The following VDAC2 variants were observed in gnomAD, a reference collection of about 807,000 sequenced individuals.
VDAC2 encodes non-selective voltage-gated ion channel VDAC2.
A neutral mutation model predicts 36.6 loss-of-function variants in VDAC2; 6 were observed. That is an observed-to-expected ratio of 0.16 (90% CI 0.09 to 0.32). VDAC2 has a LOEUF of 0.32. VDAC2 is among the 10% of genes least tolerant of loss of function. The pLI is 1.00. For synonymous variants in VDAC2, 109 were observed against 123.8 expected (o/e 0.88, Z 0.79); for missense variants, 247 against 346.0 (o/e 0.71, Z 2.27).
At chr10:75,226,782 G>C (rs1841966450) in intron 8 of VDAC2, among the ~76,000 whole-genome samples, 1 of 152,128 alleles carries the variant, frequency 6.6e-6, no homozygotes, top group Non-Finnish European at 1.5e-5. Context: ...ATTTTTAACA[G>C]GCCTCTTTCA....
intron 4 of VDAC2, chr10:75,218,344 A>G (rs577758425): frequency 2.0e-5 from 3 of 152,548 alleles, no homozygotes; most frequent in East Asian, 1.9e-4. Context: ...TTGTAGAGAC[A>G]TGGTCTTGCT....
intron 3 of VDAC2, among the ~76,000 whole-genome samples, 186 bp from the exon 4 acceptor site, chr10:75,213,835 G>A (rs575776954): frequency 3.4e-4 from 52 of 152,284 alleles, no homozygotes; most frequent in African/African-American, 1.2e-3. Context: ...GGATAATTCT[G>A]CCCTTTATAA....
intron 8 of VDAC2, chr10:75,229,160 GAT>G (rs1491325388): frequency 6.8e-6 from 1 of 147,038 alleles, no homozygotes; most frequent in Non-Finnish European, 1.5e-5. Context: ...GTCGTTTGGA[GAT>G]TTTTTTTTTT....
Position 75,222,361 on chromosome 10 carries a change from A to G in VDAC2, c.694A>G (p.Ile232Val), listed in dbSNP as rs1841838318. Residue 232 changes from isoleucine to valine, a missense_variant, in exon 8 of 10, where the codon ATT becomes GTT. Coordinates refer to ENST00000332211, the MANE Select transcript of VDAC2 (RefSeq NM_001391963.1). The stretch of plus-strand genomic sequence containing the variant: ...AGGTACCAACTGCACTCGTTTTGGC[A>G]TTGCAGCTAAATATCAGTTGGATCC... ...TSGTNCTRFG[I>V]AAKYQLDPTA... 6 of 1,614,200 alleles carry G rather than the reference A, an allele frequency of 3.7e-6. No individual in the cohort carries two copies. The highest frequency in any genetic ancestry group is 5.1e-6 in the Non-Finnish European group (6 of 1,180,026).
At chr10:75,222,628 G>A (rs1172532935) in intron 8 of VDAC2, among the ~76,000 whole-genome samples, 3 of 152,210 alleles carry the variant, frequency 2.0e-5, no homozygotes, top group Non-Finnish European at 4.4e-5. Context: ...CCGAGTTAAT[G>A]TTGATGATAA....
chr10:75,230,616 C>T (rs1378979231), intron 9 of VDAC2, among the ~76,000 whole-genome samples: 1 of 152,236 alleles, frequency 6.6e-6, no homozygotes, highest in African/African-American at 2.4e-5. Flanking sequence ...AGTCTCTTTT[C>T]ATCGGGATAG....
intron 3 of VDAC2, among the ~76,000 whole-genome samples, chr10:75,213,399 G>A (rs1841492539): frequency 6.6e-6 from 1 of 152,118 alleles, no homozygotes; most frequent in Admixed American, 6.5e-5. Context: ...TAAGTTATTA[G>A]CTATTCTGAA....
At chr10:75,214,889 T>C (rs1841550197) in intron 4 of VDAC2, among the ~76,000 whole-genome samples, 1 of 152,052 alleles carries the variant, frequency 6.6e-6, no homozygotes, top group South Asian at 2.1e-4. Flanking sequence ...ATGAACTGTT[T>C]ACAAAGGGGA....
intron 6 of VDAC2, 21 bp from the exon 7 acceptor site, chr10:75,220,722 A>T (rs1841787603): frequency 6.3e-7 from 1 of 1,595,588 alleles, no homozygotes; most frequent in African/African-American, 1.3e-5. Context: ...TCCCAATGAC[A>T]TCAGTTTGTT....
intron 6 of VDAC2, 38 bp from the exon 7 acceptor site, chr10:75,220,705 A>T: frequency 1.3e-6 from 2 of 1,568,796 alleles, no homozygotes; most frequent in Non-Finnish European, 1.7e-6. Flanking sequence ...AAGTGTGTGT[A>T]AATTTTTCCC....
At chr10:75,213,458 T>C (rs984073982) in intron 3 of VDAC2, among the ~76,000 whole-genome samples, 1 of 152,112 alleles carries the variant, frequency 6.6e-6, no homozygotes, top group Non-Finnish European at 1.5e-5. Context: ...TAAGAATAGT[T>C]TGGGGGCTGG....
chr10:75,226,451 GTTT>G (rs147954706), intron 8 of VDAC2, among the ~76,000 whole-genome samples: 7 of 100,898 alleles, frequency 6.9e-5, no homozygotes, highest in African/African-American at 1.6e-4. Context: ...TCTTTTGTGG[GTTT>G]TTTTTTTTTT....
At chr10:75,211,317 A>AC in intron 2 of VDAC2, 128 bp downstream of exon 2, 1 of 1,428,368 alleles carries the variant, frequency 7.0e-7, no homozygotes, top group Non-Finnish European at 9.5e-7. Context: ...TGGTCGCCCC[A>AC]CCGTCTGACC....
At chr10:75,223,669 A>G (rs1420153943) in intron 8 of VDAC2, among the ~76,000 whole-genome samples, 3 of 152,184 alleles carry the variant, frequency 2.0e-5, no homozygotes, top group Non-Finnish European at 2.9e-5. Context: ...AGTATTAAGT[A>G]TCTTTTTGTA....
rs1009172044 is a variant in VDAC2 at position 75,228,204 on chromosome 10, A to G, written c.736-1440A>G. Among the ~76,000 whole-genome samples the G allele has an allele frequency of 6.0e-5, 9 of 149,006 alleles. No individual in the cohort carries two copies. The East Asian group carries it at 1.9e-3, about 31-fold the overall frequency. The stretch of plus-strand genomic sequence containing the variant: ...CCACTGCGCCTGGCCAATAATAGGA[A>G]TGTCTATCCAGCTGTCTGAGGCTCT... On this transcript the variant is annotated intron_variant, in intron 8 of 9. Coordinates refer to ENST00000332211, the MANE Select transcript of VDAC2 (RefSeq NM_001391963.1).
At chr10:75,221,177 A>C (rs1841802837) in intron 7 of VDAC2, 1 of 551,166 alleles carries the variant, frequency 1.8e-6, no homozygotes, top group Non-Finnish European at 3.2e-6. Context: ...GTAAATGTTC[A>C]TTTTATATGG....
At chr10:75,211,832 G>A (rs573745526) in intron 2 of VDAC2, among the ~76,000 whole-genome samples, 1 of 152,296 alleles carries the variant, frequency 6.6e-6, no homozygotes, top group South Asian at 2.1e-4. Flanking sequence ...TCAGGGTAAA[G>A]GGCCTAGTCT....
At chr10:75,215,911 A>C (rs1348884196) in intron 4 of VDAC2, among the ~76,000 whole-genome samples, 2 of 144,808 alleles carry the variant, frequency 1.4e-5, no homozygotes, top group Non-Finnish European at 1.5e-5. Context: ...TAGTAGAAAC[A>C]GGGTTTTGCC....
Position 75,220,784 on chromosome 10 carries a change from G to A in VDAC2, c.398G>A (p.Cys133Tyr). 1.2e-6 allele frequency: 2 copies of A among 1,612,836 alleles called. No homozygotes were observed. Among genetic ancestry groups the A allele is most frequent in the South Asian group, 1.1e-5 (1 of 90,876 alleles). ...GKIKSSYKRE[C>Y]INLGCDVDFD... Reference sequence around the variant, plus strand: ...ATCAAGTCTTCTTACAAGAGGGAGTGTATAAACCTTGGTTGTGATGTTGAC... The same window carrying A: ...ATCAAGTCTTCTTACAAGAGGGAGTATATAAACCTTGGTTGTGATGTTGAC... Residue 133 changes from cysteine to tyrosine, a missense_variant, in exon 7 of 10, where the codon TGT becomes TAT. Around this residue, in one of 3 missense-constraint regions of VDAC2, gnomAD observed 159 missense variants for 234.0 expected, o/e 0.68. Coordinates refer to ENST00000332211, the MANE Select transcript of VDAC2 (RefSeq NM_001391963.1).
Sources: gnomAD v4.1 joint callset for allele counts (sites outside exome capture counted in the v4.1 genomes callset) on GRCh38, gnomAD v4.1.1 for gene constraint, gnomAD v4.1.1 regional missense constraint, MANE v1.5 for transcripts, NCBI Gene and HGNC (gene_info 2026-07-23, HGNC 2026-07-21) for gene names.